Variants in APP observed in about 807,000 individuals in gnomAD.
APP encodes amyloid beta precursor protein, also known as amyloid-beta precursor protein.
APP carries 31 observed loss-of-function variants against 101.4 expected under a neutral mutation model. The ratio of observed to expected loss-of-function variants is 0.31; its 90% CI spans 0.23 to 0.41. APP has a LOEUF of 0.41. APP is among the 10% of genes least tolerant of loss of function. The pLI is 1.00. For synonymous variants in APP, 366 were observed against 364.4 expected, an observed-to-expected ratio of 1.00 and a Z score of -0.05; for missense variants, 839 against 1,003.7, an observed-to-expected ratio of 0.84 and a Z score of 2.22.
chr21:26,105,426 T>A (rs1601474071), intron 2 of APP, among the ~76,000 whole-genome samples: 1 of 152,134 alleles, frequency 6.6e-6, no homozygotes, highest in Non-Finnish European at 1.5e-5. Flanking sequence ...TTATAAAACC[T>A]GTGAGAAGGA....
chr21:25,889,864 C>A (rs2037573038), intron 17 of APP, among the ~76,000 whole-genome samples: 1 of 151,784 alleles, frequency 6.6e-6, no homozygotes, highest in Non-Finnish European at 1.5e-5. Context: ...AAAGAAACAA[C>A]AACAACAAAA....
chr21:25,890,455 T>C (rs528631589), intron 17 of APP, among the ~76,000 whole-genome samples: 1 of 152,228 alleles, frequency 6.6e-6, no homozygotes, highest in East Asian at 1.9e-4. Context: ...GAAAAAGCAA[T>C]GGGGGCCAGA....
chr21:26,140,128 T>G (rs2063010400), intron 1 of APP: 7 of 1,469,928 alleles, frequency 4.8e-6, no homozygotes, highest in Non-Finnish European at 6.4e-6. Flanking sequence ...CTAAAAACAA[T>G]GCCAACTTCA....
intron 13 of APP, among the ~76,000 whole-genome samples, chr21:25,936,016 CCT>C (rs1306761892): frequency 6.6e-6 from 1 of 152,008 alleles, no homozygotes; most frequent in Non-Finnish European, 1.5e-5. Flanking sequence ...CCATGCCTCC[CCT>C]GACTAGCTTT....
chr21:25,949,504 AAGG>A, intron 13 of APP, among the ~76,000 whole-genome samples: 1 of 152,328 alleles, frequency 6.6e-6, no homozygotes, highest in African/African-American at 2.4e-5. Context: ...GATGTCAAGG[AAGG>A]AGTTTTGGTC....
intron 16 of APP, among the ~76,000 whole-genome samples, chr21:25,896,972 A>G (rs2038092829): frequency 6.6e-6 from 1 of 152,200 alleles, no homozygotes; most frequent in South Asian, 2.1e-4. Flanking sequence ...CATGTGTTTG[A>G]TCCTTCAAAT....
At chr21:26,016,909 G>C (rs889385685) in intron 6 of APP, among the ~76,000 whole-genome samples, 1 of 145,574 alleles carries the variant, frequency 6.9e-6, no homozygotes, top group Non-Finnish European at 1.5e-5. Flanking sequence ...ACGCATGGTG[G>C]CCTGTATTCC....
At chr21:25,906,374 G>GC (rs11461938) in intron 14 of APP, among the ~76,000 whole-genome samples, 152,403 of 152,404 alleles carry the variant, frequency 1, 76,201 homozygotes, top group Non-Finnish European at 1. Flanking sequence ...GTGGCCTTGG[G>GC]ATGCGCCACT....
chr21:26,032,335 T>A (rs1332315172), intron 5 of APP, among the ~76,000 whole-genome samples: 1 of 152,242 alleles, frequency 6.6e-6, no homozygotes, highest in Non-Finnish European at 1.5e-5. Context: ...AATTTGTGAA[T>A]TCTTTTCCTT....
chr21:26,023,181 G>C (rs1476442144), intron 5 of APP, among the ~76,000 whole-genome samples: 1 of 152,152 alleles, frequency 6.6e-6, no homozygotes, highest in Admixed American at 6.5e-5. Flanking sequence ...AAATATTTCA[G>C]TGGTTCTCAA....
rs541792128 is a variant in APP at position 26,059,257 on chromosome 21, G to A, written c.356-5909C>T. 1.1e-3 allele frequency among the ~76,000 whole-genome samples: 172 copies of A among 152,274 alleles called. 1 individual carries two copies. The highest frequency in any genetic ancestry group is 4.0e-3 in the African/African-American group (168 of 41,548). ...AAAGACAATATTTCTATGAACTGCT[G>A]GGGACTAAAATGATGTTGGCCAGAA... On this transcript the variant is annotated intron_variant, in intron 3 of 17. Transcript: ENST00000346798.
rs185589255 is a variant in APP at position 26,050,593 on chromosome 21, C to T, written c.662+407G>A. ...AACCCTTACACATCCACACAGAGAA[C>T]GCCCAAAATCTCAAACCAAACCTTT... On this transcript the variant is annotated intron_variant, in intron 5 of 17. Transcript: ENST00000346798. Among the ~76,000 whole-genome samples, 7 of 152,100 alleles carry T rather than the reference C, an allele frequency of 4.6e-5. No homozygotes were observed. In the East Asian group the frequency reaches 7.7e-4, roughly 17 times the overall value.
At chr21:25,906,977 T>G (rs1233190753) in intron 14 of APP, among the ~76,000 whole-genome samples, 1 of 152,360 alleles carries the variant, frequency 6.6e-6, no homozygotes, top group Middle Eastern at 3.4e-3. Flanking sequence ...CCACTGCTAA[T>G]GTCACCACTT....
chr21:25,979,738 A>G (rs1052539509), intron 9 of APP, among the ~76,000 whole-genome samples: 3 of 152,084 alleles, frequency 2.0e-5, no homozygotes, highest in African/African-American at 7.3e-5. Flanking sequence ...AGAATTTGAA[A>G]TAAGTTTTCT....
chr21:26,104,353 A>AT (rs2146177590), intron 2 of APP, among the ~76,000 whole-genome samples: 1 of 152,304 alleles, frequency 6.6e-6, no homozygotes, highest in East Asian at 1.9e-4. Context: ...AACACAAAAT[A>AT]TTTTTTAAAT....
At chr21:25,884,339 C>A (rs1375380589) in intron 17 of APP, among the ~76,000 whole-genome samples, 2 of 152,202 alleles carry the variant, frequency 1.3e-5, no homozygotes, top group Non-Finnish European at 2.9e-5. Context: ...CACACTCCCA[C>A]CAACAAGCTC....
chr21:25,890,257 A>T (rs2037604510), intron 17 of APP, among the ~76,000 whole-genome samples: 2 of 152,202 alleles, frequency 1.3e-5, no homozygotes, highest in Non-Finnish European at 2.9e-5. Flanking sequence ...CCCAATTTCC[A>T]TCAGCAGCTT....
intron 1 of APP, among the ~76,000 whole-genome samples, chr21:26,139,066 T>C (rs1358947191): frequency 1.3e-5 from 2 of 152,084 alleles, no homozygotes; most frequent in Admixed American, 6.5e-5. Flanking sequence ...TGTATTTTAA[T>C]GTGGTAGAAA....
chr21:26,089,819 A>G lies in APP; in HGVS notation c.355+124T>C, dbSNP rs2061783742. ...TAACTGCAAGAGTCCAAAACACAGTACAACACAGAGTGGCAATGTGCTGAA... is the reference window on the plus strand; with the variant it reads ...TAACTGCAAGAGTCCAAAACACAGTGCAACACAGAGTGGCAATGTGCTGAA... On this transcript the variant is annotated intron_variant, in intron 3 of 17. Coordinates refer to ENST00000346798, the MANE Select transcript of APP (RefSeq NM_000484.4). 34 of 1,453,700 alleles carry G rather than the reference A, an allele frequency of 2.3e-5. No individual in the cohort carries two copies. In the South Asian group the frequency reaches 3.4e-4, roughly 14 times the overall value. 90.1% of individuals were successfully genotyped at this position (1,453,700 alleles called of 1,614,324 possible). A position where few individuals can be genotyped will look rare whatever the true frequency, so the allele number is the denominator to read the frequency against.
Sources: allele counts gnomAD v4.1 joint callset (sites outside exome capture counted in the v4.1 genomes callset), GRCh38; gene constraint gnomAD v4.1.1; transcripts MANE v1.5; gene names NCBI Gene and HGNC (gene_info 2026-07-23, HGNC 2026-07-21).